TRAM1: variants seen among roughly 807,000 people sequenced by gnomAD.
The protein encoded by TRAM1 is translocation associated membrane protein 1.
A neutral mutation model predicts 48.7 loss-of-function variants in TRAM1; 17 were observed. The ratio of observed to expected loss-of-function variants is 0.35; its 90% CI spans 0.24 to 0.52. TRAM1 has a LOEUF of 0.52. TRAM1 is among the 20% of genes least tolerant of loss of function. The pLI, the probability that TRAM1 is intolerant of heterozygous loss-of-function variation, is 0.94. For synonymous variants in TRAM1, 182 were observed against 154.0 expected (o/e 1.18, Z -1.34); for missense variants, 351 against 441.5 (o/e 0.79, Z 1.84).
At chr8:70,575,400 A>T (rs1816925385) in intron 10 of TRAM1, among the ~76,000 whole-genome samples, 1 of 152,178 alleles carries the variant, frequency 6.6e-6, no homozygotes, top group Non-Finnish European at 1.5e-5. Context: ...GGCGTGTATT[A>T]TGGCCTTCTT....
intron 3 of TRAM1, 28 bp downstream of exon 3, chr8:70,598,099 TTATAAAG>T (rs1480781144): frequency 8.7e-5 from 138 of 1,592,996 alleles, no homozygotes; most frequent in Non-Finnish European, 1.1e-4. Flanking sequence ...AGCTAGTACT[TTATAAAG>T]TATAGATTTC....
intron 4 of TRAM1, among the ~76,000 whole-genome samples, chr8:70,596,739 T>C (rs1393861178): frequency 2.0e-5 from 3 of 151,704 alleles, no homozygotes; most frequent in African/African-American, 7.3e-5. Context: ...TACCGAGTTT[T>C]ATGGAATTAC....
chr8:70,599,430 A>G (rs2132042891), intron 2 of TRAM1, among the ~76,000 whole-genome samples: 1 of 152,342 alleles, frequency 6.6e-6, no homozygotes, highest in East Asian at 1.9e-4. Flanking sequence ...ACTGTATTAA[A>G]TTACAATCAA....
chr8:70,587,252 T>A, intron 6 of TRAM1, 76 bp from the exon 7 acceptor site: 1 of 1,446,844 alleles, frequency 6.9e-7, no homozygotes, highest in Non-Finnish European at 9.5e-7. Flanking sequence ...GTGGTCTTGC[T>A]ATGTTGCCCA....
rs555289266 is a variant in TRAM1 at position 70,600,177 on chromosome 8, G to A, written c.124-95C>T. The A allele has an allele frequency of 1.5e-3, 1,430 of 949,050 alleles. 6 individuals are homozygous for A. Among genetic ancestry groups the A allele is most frequent in the South Asian group, 2.1e-3 (148 of 69,612 alleles). The allele number at this position is 949,050 out of a possible 1,614,324, so 58.8% of individuals were successfully genotyped here. ...ACATTATAAAATCTGTCCCTAAATCGAAGCACCAAGGGCCTCCTCGTTCCT... is the reference window on the plus strand; with the variant it reads ...ACATTATAAAATCTGTCCCTAAATCAAAGCACCAAGGGCCTCCTCGTTCCT... On this transcript the variant is annotated intron_variant, in intron 1 of 10. Transcript: ENST00000262213.
At position 70,608,374 on chromosome 8, in the gene TRAM1, A is replaced by G. The variant is rs1398070447; in HGVS notation, c.-175T>C. ...ACGCAGCCGCCGGGCCGCCCGGGGG[A>G]AAAAAAAAAACACAACAGCTAGCCC... On this transcript the variant is annotated 5_prime_UTR_variant, in exon 1 of 11. Transcript: ENST00000262213. The G allele has an allele frequency of 3.2e-5, 14 of 438,874 alleles. No individual in the cohort carries two copies. The East Asian group carries it at 5.2e-4, about 16-fold the overall frequency. 27.2% of individuals were successfully genotyped at this position (438,874 alleles called of 1,614,324 possible). A position where few individuals can be genotyped will look rare whatever the true frequency, so the allele number is the denominator to read the frequency against.
chr8:70,578,446 G>T (rs1817006985), intron 10 of TRAM1, among the ~76,000 whole-genome samples: 2 of 152,162 alleles, frequency 1.3e-5, no homozygotes. Flanking sequence ...ACTATCCTGG[G>T]TAACATGGTG....
intron 8 of TRAM1, 135 bp from the exon 9 acceptor site, chr8:70,583,928 G>A: frequency 1.3e-5 from 13 of 994,150 alleles, no homozygotes; most frequent in African/African-American, 3.4e-5. Context: ...CAGGAGAATT[G>A]CTTGAAACCA....
rs149087923 is a variant in TRAM1 at position 70,597,940 on chromosome 8, C to T, written c.381G>A (p.Ala127=). ...CCCAAACACAGGCAAAAAGGTAGAA[C>T]GCACTAAGCTGACCAGATTCATTAA... ...SKFNESGQLS[A]FYLFACVWGT... Residue 127 remains alanine, a synonymous_variant, in exon 4 of 11, where the codon GCG becomes GCA. Transcript: ENST00000262213. The T allele has an allele frequency of 2.4e-4, 383 of 1,600,872 alleles. 1 individual carries two copies. In the East Asian group the frequency reaches 4.0e-3, roughly 17 times the overall value.
chr8:70,606,977 ACT>A, intron 1 of TRAM1: 2 of 965,650 alleles, frequency 2.1e-6, no homozygotes, highest in South Asian at 9.5e-5. Flanking sequence ...ACTATCCTAG[ACT>A]CTGGAAATAC....
In TRAM1 at chr8:70,598,253, C is replaced by G. The variant is rs199715423; in HGVS notation, c.190G>C (p.Glu64Gln). 6.2e-6 allele frequency: 10 copies of G among 1,604,320 alleles called. No individual in the cohort carries two copies. In the Admixed American group the frequency reaches 1.5e-4, roughly 25 times the overall value. The change falls in exon 3 of 11, where the codon GAA becomes CAA. Residue 64 changes from glutamate to glutamine, a missense_variant and splice_region_variant. Physicochemically the swap from Glu to Gln is conservative, Grantham distance 29 (BLOSUM62 2). Transcript: ENST00000262213. ...QYNVTLPATE[E>Q]QATESVSLYY... Reference sequence around the variant, plus strand: ...AGGGACACTGATTCAGTAGCTTGTTCTTCTGAAGACCAAAAAGGACACAAA... The same window carrying G: ...AGGGACACTGATTCAGTAGCTTGTTGTTCTGAAGACCAAAAAGGACACAAA...
chr8:70,577,950 C>T (rs1300066040), intron 10 of TRAM1, among the ~76,000 whole-genome samples: 8 of 152,230 alleles, frequency 5.3e-5, no homozygotes, highest in Non-Finnish European at 7.3e-5. Flanking sequence ...CTGCCTGCCC[C>T]GTGGCAGCAG....
At chr8:70,590,164 G>A (rs894457857) in intron 6 of TRAM1, among the ~76,000 whole-genome samples, 3 of 148,022 alleles carry the variant, frequency 2.0e-5, no homozygotes, top group African/African-American at 4.9e-5. Flanking sequence ...AAACTAATTT[G>A]CTGGAAAAAC....
At chr8:70,601,376 A>G (rs1288081336) in intron 1 of TRAM1, among the ~76,000 whole-genome samples, 1 of 152,198 alleles carries the variant, frequency 6.6e-6, no homozygotes, top group Non-Finnish European at 1.5e-5. Context: ...TCTCAGTTGC[A>G]TTACACCTTT....
At chr8:70,583,886 G>C in intron 8 of TRAM1, 93 bp from the exon 9 acceptor site, 1 of 1,397,902 alleles carries the variant, frequency 7.2e-7, no homozygotes, top group Non-Finnish European at 9.5e-7. Context: ...GGTGGCAGAC[G>C]CCTGTAATCC....
chr8:70,608,071 G>C lies in TRAM1; in HGVS notation c.123+6C>G, dbSNP rs767370344. ...GGCAGGCGGTTGGGACTCGGGGCGG[G>C]CTCACCTCAAACATGAGCCCCAGCA... On this transcript the variant is annotated splice_donor_region_variant and intron_variant, in intron 1 of 10. Coordinates refer to ENST00000262213, the MANE Select transcript of TRAM1 (RefSeq NM_014294.6). The C allele has an allele frequency of 1.3e-6, 2 of 1,591,828 alleles. No individual in the cohort carries two copies. The highest frequency in any genetic ancestry group is 2.7e-5 in the African/African-American group (2 of 72,790).
At chr8:70,594,399 G>A (rs3816745) in intron 6 of TRAM1, 107 bp downstream of exon 6, 3 of 697,844 alleles carry the variant, frequency 4.3e-6, no homozygotes, top group Non-Finnish European at 6.6e-6. Context: ...GTTGAGGTAA[G>A]AAGAATGGAG....
At position 70,597,908 on chromosome 8, in the gene TRAM1, A is replaced by T; in HGVS notation, c.413T>A (p.Phe138Tyr). 1 of 1,596,866 alleles carries T rather than the reference A, an allele frequency of 6.3e-7. No homozygotes were observed. The change falls in exon 4 of 11, where the codon TTC becomes TAC. Residue 138 changes from phenylalanine (F) to tyrosine (Y), a missense_variant. Physicochemically the swap from Phe to Tyr is conservative, Grantham distance 22. Coordinates refer to ENST00000262213, the MANE Select transcript of TRAM1 (RefSeq NM_014294.6). The stretch of plus-strand genomic sequence containing the variant: ...GGACATACTTACAGAGATGAGAATG[A>T]ATGTGCCCCAAACACAGGCAAAAAG... The part of the protein sequence containing the change: ...FYLFACVWGT[F>Y]ILISENYISD...
chr8:70,587,945 G>A (rs754791073), intron 6 of TRAM1, among the ~76,000 whole-genome samples: 1 of 152,200 alleles, frequency 6.6e-6, no homozygotes, highest in Non-Finnish European at 1.5e-5. Flanking sequence ...GGCCAGGTGT[G>A]ATGGTTCATG....
Sources: allele counts gnomAD v4.1 joint callset (sites outside exome capture counted in the v4.1 genomes callset), GRCh38; gene constraint gnomAD v4.1.1; transcripts MANE v1.5; gene names NCBI Gene and HGNC (gene_info 2026-07-23, HGNC 2026-07-21).